CIPC: variants seen among roughly 807,000 people sequenced by gnomAD.
CIPC encodes the protein CLOCK-interacting pacemaker.
CIPC carries 12 observed loss-of-function variants against 26.7 expected under a neutral mutation model. The observed-to-expected ratio is 0.45, with a 90% CI of 0.29 to 0.73. CIPC has a LOEUF of 0.73. CIPC is among the 30% of genes least tolerant of loss of function. The pLI is 0.12. For synonymous variants in CIPC, 170 were observed against 189.8 expected, an observed-to-expected ratio of 0.90 and a Z score of 0.86; for missense variants, 417 against 486.5, an observed-to-expected ratio of 0.86 and a Z score of 1.34.
intron 1 of CIPC, among the ~76,000 whole-genome samples, chr14:77,102,954 T>C (rs560302698): frequency 6.5e-4 from 99 of 152,368 alleles, no homozygotes; most frequent in African/African-American, 2.2e-3. Flanking sequence ...CTTTTTAAGC[T>C]GGGCCGTCCA....
intron 2 of CIPC, 125 bp downstream of exon 2, chr14:77,105,969 C>A: frequency 9.1e-7 from 1 of 1,101,680 alleles, no homozygotes; most frequent in East Asian, 2.5e-5. Flanking sequence ...TACTTACCTG[C>A]TTTAAAATGG....
chr14:77,099,943 T>G (rs1209926467), intron 1 of CIPC: 1 of 152,186 alleles, frequency 6.6e-6, no homozygotes, highest in Non-Finnish European at 1.5e-5. Context: ...TGCAGAATCT[T>G]GACCTTCAAG....
intron 1 of CIPC, among the ~76,000 whole-genome samples, chr14:77,099,654 T>C (rs1815672498): frequency 6.6e-6 from 1 of 152,208 alleles, no homozygotes; most frequent in South Asian, 2.1e-4. Context: ...GTGACACATT[T>C]TAAAGGGAAC....
In CIPC at chr14:77,113,567, C is replaced by T; in HGVS notation, c.449C>T (p.Ser150Phe). 6.2e-7 allele frequency: 1 copy of T among 1,614,218 alleles called. No individual in the cohort carries two copies. Among genetic ancestry groups the T allele is most frequent in the Non-Finnish European group, 8.5e-7 (1 of 1,180,034 alleles). ...CACACTGGTGAGAAAAAGTCCGACT[C>T]CAGGAACTACTTGCCCATTCTGAAT... Reference protein sequence around the residue: ...PCHTGEKKSDSRNYLPILNSY... With the variant: ...PCHTGEKKSDFRNYLPILNSY... The change falls in exon 4 of 4, where the codon TCC becomes TTC. Residue 150 changes from serine to phenylalanine, a missense_variant. Physicochemically the swap from Ser to Phe is radical, Grantham distance 155. Coordinates refer to ENST00000361786, the MANE Select transcript of CIPC (RefSeq NM_033426.3).
chr14:77,108,460 G>C (rs1346508558), intron 2 of CIPC, among the ~76,000 whole-genome samples: 1 of 152,142 alleles, frequency 6.6e-6, no homozygotes, highest in African/African-American at 2.4e-5. Flanking sequence ...GGGAGGCCGA[G>C]GCAGGTGGAT....
intron 2 of CIPC, among the ~76,000 whole-genome samples, chr14:77,106,620 G>A (rs1216976296): frequency 1.3e-5 from 2 of 152,050 alleles, no homozygotes; most frequent in African/African-American, 4.8e-5. Flanking sequence ...CATCCTGAGA[G>A]TAGAACCCTC....
chr14:77,111,892 C>G (rs1365226923), intron 3 of CIPC, among the ~76,000 whole-genome samples: 1 of 152,200 alleles, frequency 6.6e-6, no homozygotes, highest in South Asian at 2.1e-4. Context: ...TGAGCTGGAA[C>G]AGGCTGATTT....
At chr14:77,112,791 A>G (rs1372399124) in intron 3 of CIPC, among the ~76,000 whole-genome samples, 2 of 151,580 alleles carry the variant, frequency 1.3e-5, no homozygotes, top group African/African-American at 2.4e-5. Flanking sequence ...GCTTACTGCA[A>G]CCTCCACCTC....
rs1156718748 is a variant in CIPC, at chr14:77,105,843, A to G, written c.135A>G (p.Ser45=). 1.9e-6 allele frequency: 3 copies of G among 1,613,328 alleles called. No homozygotes were observed. Among genetic ancestry groups the G allele is most frequent in the Non-Finnish European group, 2.5e-6 (3 of 1,179,720 alleles). The change falls in exon 2 of 4, where the codon TCA becomes TCG. Residue 45 remains serine (S), a splice_region_variant and synonymous_variant. Coordinates refer to ENST00000361786, the MANE Select transcript of CIPC (RefSeq NM_033426.3). The part of the protein sequence containing the change: ...AAESDKDSGF[S]DGSSECLSSA... ...AGTCAGACAAGGACTCTGGCTTTTC[A>G]GGTTAAAAATATCTTATCCTTCCTC...
At position 77,114,767 on chromosome 14, in the gene CIPC, CAGAG is replaced by C. The variant is rs1157979970; in HGVS notation, c.*453_*456del. 1 of 160,088 alleles carries C rather than the reference CAGAG, an allele frequency of 6.2e-6. No individual in the cohort carries two copies. The highest frequency in any genetic ancestry group is 2.4e-5 in the African/African-American group (1 of 41,520). 9.9% of individuals were successfully genotyped at this position (160,088 alleles called of 1,614,324 possible). ...GATCTTCCCTTGCCTGTCTTAGTCA[CAGAG>C]AGAAATAAGAGGAGGTTGTTTGCAT... On this transcript the variant is annotated 3_prime_UTR_variant, in exon 4 of 4. Transcript: ENST00000361786.
chr14:77,109,852 G>A lies in CIPC; in HGVS notation c.177G>A (p.Glu59=). The change falls in exon 3 of 4, where the codon GAG becomes GAA. Residue 59 remains glutamate, a synonymous_variant. Transcript: ENST00000361786. Reference sequence around the variant, plus strand: ...GTCTGAGCTCTGCAGAGCAGATGGAGTCCGAGGACATGCTGAGCGCCTTAG... The same window carrying A: ...GTCTGAGCTCTGCAGAGCAGATGGAATCCGAGGACATGCTGAGCGCCTTAG... ...SECLSSAEQM[E]SEDMLSALGW... is the part of the protein sequence containing the mutation. The A allele has an allele frequency of 1.2e-6, 2 of 1,614,202 alleles. No homozygotes were observed. Among genetic ancestry groups the A allele is most frequent in the Non-Finnish European group, 1.7e-6 (2 of 1,180,018 alleles).
chr14:77,108,168 C>T (rs2140031164), intron 2 of CIPC, among the ~76,000 whole-genome samples: 1 of 152,262 alleles, frequency 6.6e-6, no homozygotes, highest in Middle Eastern at 3.4e-3. Flanking sequence ...CATTTGGAGA[C>T]TCATAAGTTA....
chr14:77,114,158 A>G lies in CIPC; in HGVS notation c.1040A>G (p.Gln347Arg). ...TTGATTCGTCAGAATCAGGCAACTC[A>G]GGTAGAACTAGACCAGCTAAAGGAG... ...KELIRQNQATQVELDQLKEQT... is the reference protein window; with the variant it reads ...KELIRQNQATRVELDQLKEQT... The change falls in exon 4 of 4, where the codon CAG (glutamine) becomes CGG (arginine). Residue 347 changes from glutamine to arginine, a missense_variant. By Grantham distance (43) the Gln-to-Arg change is conservative. Coordinates refer to ENST00000361786, the MANE Select transcript of CIPC (RefSeq NM_033426.3). The G allele has an allele frequency of 6.2e-7, 1 of 1,614,164 alleles. No homozygotes were observed. Among genetic ancestry groups the G allele is most frequent in the South Asian group, 1.1e-5 (1 of 91,090 alleles).
At chr14:77,108,273 A>C (rs1886629829) in intron 2 of CIPC, among the ~76,000 whole-genome samples, 1 of 152,208 alleles carries the variant, frequency 6.6e-6, no homozygotes, top group Non-Finnish European at 1.5e-5. Flanking sequence ...TCTCTTTGTA[A>C]TTAATAAGTA....
In CIPC at chr14:77,101,794, G is replaced by C. The variant is rs961409146; in HGVS notation, c.-53+3433G>C. 3.9e-5 allele frequency among the ~76,000 whole-genome samples: 6 copies of C among 152,000 alleles called. No homozygotes were observed. In the South Asian group the frequency reaches 1.2e-3, roughly 32 times the overall value. ...TGTAGAAATATGATTGGACAAAAAG[G>C]GTATGATCTGGCTGGGCATGGTGGC... is the stretch of plus-strand genomic sequence containing the variant. On this transcript the variant is annotated intron_variant, in intron 1 of 3. Transcript: ENST00000361786.
intron 2 of CIPC, among the ~76,000 whole-genome samples, chr14:77,107,714 G>A (rs550412897): frequency 6.6e-6 from 1 of 151,952 alleles, no homozygotes; most frequent in South Asian, 2.1e-4. Context: ...TTTACCCCAT[G>A]TAGCTTCAGT....
chr14:77,113,786 C>CTCTGCAGGGTGTG lies in CIPC; in HGVS notation c.668_669insTCTGCAGGGTGTG (p.Glu224LeufsTer34). On this transcript the variant is annotated frameshift_variant, in exon 4 of 4. Coordinates refer to ENST00000361786, the MANE Select transcript of CIPC (RefSeq NM_033426.3). LOFTEE classifies it high-confidence loss of function. ...CCAGCACCACCCAGCGCCAAACTTG[C>CTCTGCAGGGTGTG]CGAGGACTCAGCTCTGCAGGGTGTG... 1 of 1,613,820 alleles carries CTCTGCAGGGTGTG rather than the reference C, an allele frequency of 6.2e-7. No homozygotes were observed.
At position 77,107,756 on chromosome 14, in the gene CIPC, A is replaced by G. The variant is rs1886620408; in HGVS notation, c.136+1912A>G. ...TTCCTAAAAACAAGGACATTCTTCT[A>G]TGTAGTTATAATATCATTATCATAC... On this transcript the variant is annotated intron_variant, in intron 2 of 3. Coordinates refer to ENST00000361786, the MANE Select transcript of CIPC (RefSeq NM_033426.3). 2.6e-5 allele frequency among the ~76,000 whole-genome samples: 4 copies of G among 152,164 alleles called. No homozygotes were observed. The South Asian group carries it at 6.2e-4, about 24-fold the overall frequency.
In CIPC at chr14:77,114,297, C is replaced by G; in HGVS notation, c.1179C>G (p.Phe393Leu). The change falls in exon 4 of 4, where the codon TTC becomes TTG. Residue 393 changes from phenylalanine (F) to leucine (L), a missense_variant. By Grantham distance (22) the Phe-to-Leu change is conservative. Coordinates refer to ENST00000361786, the MANE Select transcript of CIPC (RefSeq NM_033426.3). ...SSNTGSDLEA[F>L]SDHPAI ...ATACAGGCAGTGACCTAGAAGCATT[C>G]TCTGATCACCCAGCCATATAGCACA... 1.9e-6 allele frequency: 3 copies of G among 1,610,364 alleles called. No individual in the cohort carries two copies. In the South Asian group the frequency reaches 3.3e-5, roughly 18 times the overall value.
Sources: allele counts gnomAD v4.1 joint callset (sites outside exome capture counted in the v4.1 genomes callset), GRCh38; gene constraint gnomAD v4.1.1; transcripts MANE v1.5; gene names NCBI Gene and HGNC (gene_info 2026-07-23, HGNC 2026-07-21).